Variants in FMR1NB observed in about 807,000 individuals in gnomAD.
The protein encoded by FMR1NB is FMR1 neighbor protein.
A neutral mutation model predicts 16.8 loss-of-function variants in FMR1NB; 10 were observed. The ratio of observed to expected loss-of-function variants is 0.60; its 90% confidence interval spans 0.37 to 1.01. The LOEUF is 1.01. FMR1NB is among the 50% of genes least tolerant of loss of function. FMR1NB has a pLI of 0.01. For missense variants in FMR1NB, 205 were observed against 204.8 expected (o/e 1.00, Z 0.00); for synonymous variants, 83 against 79.1 (o/e 1.05, Z -0.26).
chrX:148,023,870 A>G (rs1306941164), intron 4 of FMR1NB, among the ~76,000 whole-genome samples: 1 of 111,127 alleles, frequency 9.0e-6, no homozygotes, highest in Non-Finnish European at 1.9e-5. Flanking sequence ...GTAGTAGGAG[A>G]GAGATTGTAC....
intron 1 of FMR1NB, among the ~76,000 whole-genome samples, chrX:147,992,748 C>G (rs1470871363): frequency 1.4e-5 from 1 of 72,099 alleles, no homozygotes; most frequent in Non-Finnish European, 2.5e-5. Context: ...AGGGTCTCGG[C>G]CGGGCAGAGG....
In FMR1NB at chrX:148,003,286, A is replaced by G. The variant is rs782172100; in HGVS notation, c.363A>G (p.Ala121=). 15 of 1,211,293 alleles carry G rather than the reference A, an allele frequency of 1.2e-5. No homozygotes were observed. Among genetic ancestry groups the G allele is most frequent in the Non-Finnish European group, 1.7e-5 (15 of 895,014 alleles). Residue 121 remains alanine (A), a synonymous_variant, in exon 2 of 6, where the codon GCA becomes GCG. Coordinates refer to ENST00000370467, the MANE Select transcript of FMR1NB (RefSeq NM_152578.3). ...GCCAATCTCTGGAAGAAGATTCCGC[A>G]TTGGAAGCTTTGCTGAATTTTTTCT... ...AHGQSLEEDS[A]LEALLNFFFP... is the part of the protein sequence containing the mutation.
At chrX:147,981,909 A>G (rs1263801268) in intron 1 of FMR1NB, among the ~76,000 whole-genome samples, 2 of 110,849 alleles carry the variant, frequency 1.8e-5, no homozygotes, top group African/African-American at 6.6e-5. Context: ...CTTATAAAAG[A>G]CTTTCCCTCC....
intron 2 of FMR1NB, among the ~76,000 whole-genome samples, chrX:148,005,596 A>C (rs2044592409): frequency 1.8e-5 from 2 of 112,131 alleles, no homozygotes; most frequent in African/African-American, 6.5e-5. Context: ...GTAGTGCATT[A>C]AATTTTTGAT....
rs140323176 is a variant in FMR1NB at position 147,981,517 on chromosome X, G to A, written c.115G>A (p.Glu39Lys). ...GTTGGCGGCAACTGAGTCGAATCCC[G>A]AGAGCAGCCATCCTGGATACGAGGC... Reference protein sequence around the residue: ...YELAATESNPESSHPGYEAAM... With the variant: ...YELAATESNPKSSHPGYEAAM... Residue 39 changes from glutamate to lysine, a missense_variant, in exon 1 of 6, where the codon GAG becomes AAG. Transcript: ENST00000370467. The A allele has an allele frequency of 1.3e-5, 16 of 1,210,057 alleles. No homozygotes were observed. In the East Asian group the frequency reaches 1.8e-4, roughly 13 times the overall value.
chrX:147,985,146 T>C (rs1471770062), intron 1 of FMR1NB, among the ~76,000 whole-genome samples: 1 of 111,307 alleles, frequency 9.0e-6, no homozygotes, highest in Admixed American at 9.6e-5. Context: ...GTGGTGTCTT[T>C]GCCTGCCCTT....
At chrX:148,007,501 G>A (rs1010664823) in intron 3 of FMR1NB, among the ~76,000 whole-genome samples, 5 of 111,518 alleles carry the variant, frequency 4.5e-5, no homozygotes, top group Non-Finnish European at 9.4e-5. Context: ...GGCTTCCCAG[G>A]CTGGTCTCCA....
chrX:147,993,102 G>T (rs1463291833), intron 1 of FMR1NB, among the ~76,000 whole-genome samples: 1 of 109,378 alleles, frequency 9.1e-6, no homozygotes, highest in Non-Finnish European at 1.9e-5. Flanking sequence ...CCGAGATCAC[G>T]CCACTGCACT....
chrX:148,021,660 C>T (rs931225228), intron 4 of FMR1NB, among the ~76,000 whole-genome samples: 2 of 111,182 alleles, frequency 1.8e-5, no homozygotes, highest in African/African-American at 3.3e-5. Flanking sequence ...CCCCTTTACT[C>T]ATCCTTGGCC....
chrX:148,018,024 G>T (rs782607649), intron 4 of FMR1NB, among the ~76,000 whole-genome samples: 1 of 106,786 alleles, frequency 9.4e-6, no homozygotes, highest in East Asian at 2.9e-4. Flanking sequence ...CTTTATAGCA[G>T]CATGATTTAT....
intron 2 of FMR1NB, among the ~76,000 whole-genome samples, chrX:148,003,602 C>T (rs1365318743): frequency 8.9e-6 from 1 of 112,413 alleles, no homozygotes; most frequent in African/African-American, 3.2e-5. Flanking sequence ...ACTTTTCCTT[C>T]GCAAATATCT....
intron 1 of FMR1NB, among the ~76,000 whole-genome samples, chrX:147,991,242 C>T (rs910425525): frequency 2.7e-5 from 3 of 110,425 alleles, no homozygotes; most frequent in African/African-American, 9.9e-5. Flanking sequence ...CTCATCTCCT[C>T]TCACAAGGGC....
chrX:148,021,217 T>C (rs1557190566), intron 4 of FMR1NB, among the ~76,000 whole-genome samples: 1 of 111,440 alleles, frequency 9.0e-6, no homozygotes, highest in Non-Finnish European at 1.9e-5. Context: ...CTGCACTCTT[T>C]CTCTCCCAAG....
chrX:148,007,804 T>C lies in FMR1NB; in HGVS notation c.539-814T>C, dbSNP rs187259322. On this transcript the variant is annotated intron_variant, in intron 3 of 5. Transcript: ENST00000370467. ...TTAAGTTAATATAGTCCCTATTCAA[T>C]TTACGGCTTTTTGTTGAATATGTAG... Among the ~76,000 whole-genome samples, 273 of 112,201 alleles carry C rather than the reference T, an allele frequency of 2.4e-3. 1 individual carries two copies. Among genetic ancestry groups the C allele is most frequent in the Non-Finnish European group, 4.2e-3 (226 of 53,299 alleles).
chrX:148,008,220 A>G, intron 3 of FMR1NB: 1 of 129,933 alleles, frequency 7.7e-6, no homozygotes, highest in Non-Finnish European at 1.6e-5. Flanking sequence ...ATAGATTAAG[A>G]AGCTATTTAT....
chrX:148,003,363 T>C (rs2124620116), intron 2 of FMR1NB, 43 bp downstream of exon 2: 1 of 1,185,571 alleles, frequency 8.4e-7, no homozygotes, highest in South Asian at 1.8e-5. Flanking sequence ...ATGTTCTTGT[T>C]TTGAAAACAG....
chrX:148,014,198 C>T (rs782138813), intron 4 of FMR1NB, among the ~76,000 whole-genome samples: 7 of 110,881 alleles, frequency 6.3e-5, no homozygotes, highest in South Asian at 3.9e-4. Context: ...GAGATGGGGC[C>T]GCAAGTGGGG....
At chrX:147,985,463 C>T (rs1025869996) in intron 1 of FMR1NB, among the ~76,000 whole-genome samples, 4 of 111,042 alleles carry the variant, frequency 3.6e-5, no homozygotes, top group Non-Finnish European at 7.5e-5. Flanking sequence ...TGCTCTCCCT[C>T]CCCTTTCCCC....
At chrX:147,983,233 T>G (rs2044460164) in intron 1 of FMR1NB, among the ~76,000 whole-genome samples, 1 of 112,323 alleles carries the variant, frequency 8.9e-6, no homozygotes, top group African/African-American at 3.2e-5. Flanking sequence ...GTGTACAAGT[T>G]GTTGTGTAGA....
Sources: allele counts gnomAD v4.1 joint callset (sites outside exome capture counted in the v4.1 genomes callset), GRCh38; gene constraint gnomAD v4.1.1; transcripts MANE v1.5; gene names NCBI Gene and HGNC (gene_info 2026-07-23, HGNC 2026-07-21).